ADARB2: variants seen among roughly 807,000 people sequenced by gnomAD.
The protein encoded by ADARB2 is adenosine deaminase RNA specific B2 (inactive).
Under a neutral mutation model 62.2 loss-of-function variants are expected in ADARB2, and 25 were observed. That is an observed-to-expected ratio of 0.40 (90% confidence interval 0.29 to 0.56). The LOEUF is 0.56. Ranked by LOEUF, ADARB2 falls within the 20% of genes least tolerant of loss-of-function variation. The pLI is 0.43. For missense variants in ADARB2, 1,071 were observed against 1,077.4 expected (o/e 0.99, Z 0.08); for synonymous variants, 572 against 500.8 (o/e 1.14, Z -1.90).
At chr10:1,215,068 G>A (rs546707007) in intron 7 of ADARB2, among the ~76,000 whole-genome samples, 2 of 152,270 alleles carry the variant, frequency 1.3e-5, no homozygotes, top group East Asian at 3.9e-4. Context: ...TGCAGGGGCG[G>A]GGGCAGGTGC....
At chr10:1,364,252 C>T (rs901414590) in intron 2 of ADARB2, among the ~76,000 whole-genome samples, 30 of 152,334 alleles carry the variant, frequency 2.0e-4, no homozygotes, top group African/African-American at 6.5e-4. Context: ...TCAGAGAGGC[C>T]TTTCCCGGGG....
At chr10:1,666,980 C>T (rs1834324672) in intron 1 of ADARB2, among the ~76,000 whole-genome samples, 1 of 152,124 alleles carries the variant, frequency 6.6e-6, no homozygotes, top group Non-Finnish European at 1.5e-5. Context: ...GAAAAGACCC[C>T]TGATGTAATC....
chr10:1,284,057 G>A (rs1442140450), intron 3 of ADARB2, among the ~76,000 whole-genome samples: 3 of 152,214 alleles, frequency 2.0e-5, no homozygotes, highest in African/African-American at 7.2e-5. Context: ...CTACAGGAGA[G>A]TGTAGGGTCT....
Position 1,476,164 on chromosome 10 carries a change from A to ACGAAAAAAGGAAGAGAGAGG in ADARB2, c.101-97005_101-97004insCCTCTCTCTTCCTTTTTTCG, listed in dbSNP as rs796989696. On this transcript the variant is annotated intron_variant, in intron 1 of 9. Transcript: ENST00000381312. ...GGAGAGAAAAAAGGAAGAGAGAGAG[A>ACGAAAAAAGGAAGAGAGAGG]CAGAAAAAGAGAGTGGGAGGGAGAG... is the stretch of plus-strand genomic sequence containing the variant. Among the ~76,000 whole-genome samples the ACGAAAAAAGGAAGAGAGAGG allele has an allele frequency of 4.0e-4, 61 of 152,278 alleles. 1 individual carries two copies. The highest frequency in any genetic ancestry group is 1.4e-3 in the African/African-American group (58 of 41,566).
At chr10:1,354,824 G>A (rs752468160) in intron 3 of ADARB2, among the ~76,000 whole-genome samples, 2 of 152,226 alleles carry the variant, frequency 1.3e-5, no homozygotes, top group Non-Finnish European at 2.9e-5. Context: ...CCAAAGGAAG[G>A]GGGCTCAGCC....
In ADARB2 at chr10:1,271,144, C is replaced by A. The variant is rs1007148608; in HGVS notation, c.1078-75G>T. The stretch of plus-strand genomic sequence containing the variant: ...GAGGATGATGGGGCACTGTCCTCCC[C>A]GTCCTCACAGCCTCATCCCCATGTG... On this transcript the variant is annotated intron_variant, in intron 3 of 9. Coordinates refer to ENST00000381312, the MANE Select transcript of ADARB2 (RefSeq NM_018702.4). 4 of 1,217,714 alleles carry A rather than the reference C, an allele frequency of 3.3e-6. No homozygotes were observed. In the Admixed American group the frequency reaches 7.8e-5, roughly 24 times the overall value. 75.4% of individuals were successfully genotyped at this position (1,217,714 alleles called of 1,614,324 possible). A position where few individuals can be genotyped will look rare whatever the true frequency, so the allele number is the denominator to read the frequency against.
chr10:1,580,579 T>C (rs1336382664), intron 1 of ADARB2, among the ~76,000 whole-genome samples: 2 of 151,628 alleles, frequency 1.3e-5, no homozygotes, highest in East Asian at 1.9e-4. Context: ...AGAGCTCCCC[T>C]GTACCTCCTC....
intron 1 of ADARB2, among the ~76,000 whole-genome samples, chr10:1,731,745 C>A (rs1835234844): frequency 6.6e-6 from 1 of 152,226 alleles, no homozygotes; most frequent in African/African-American, 2.4e-5. Context: ...ACACACCAGG[C>A]AGAGTGCAGC....
At chr10:1,573,843 C>T (rs186913069) in intron 1 of ADARB2, among the ~76,000 whole-genome samples, 56 of 152,308 alleles carry the variant, frequency 3.7e-4, no homozygotes, top group Admixed American at 2.1e-3. Context: ...CCAGTGAGCC[C>T]GCTGCAGCCA....
rs2131850739 is a variant in ADARB2, at chr10:1,363,404, G to T, written c.701C>A (p.Pro234His). Reference protein sequence around the residue: ...FQEFEPPAPRPGLAGGRPGDA... With the variant: ...FQEFEPPAPRHGLAGGRPGDA... Reference sequence around the variant, plus strand: ...CCCGGGGCGGCCTCCCGCGAGTCCGGGGCGCGGCGCCGGGGGCTCGAACTC... The same window carrying T: ...CCCGGGGCGGCCTCCCGCGAGTCCGTGGCGCGGCGCCGGGGGCTCGAACTC... The change falls in exon 3 of 10, where the codon CCC (proline) becomes CAC (histidine). Residue 234 changes from proline (P) to histidine (H), a missense_variant. Physicochemically the swap from Pro to His is moderately conservative, Grantham distance 77. Transcript: ENST00000381312. 2 of 1,353,898 alleles carry T rather than the reference G, an allele frequency of 1.5e-6. No homozygotes were observed. Among genetic ancestry groups the T allele is most frequent in the East Asian group, 3.1e-5 (1 of 32,138 alleles). The allele number at this position is 1,353,898 out of a possible 1,614,324, so 83.9% of individuals were successfully genotyped here.
chr10:1,351,759 G>A (rs1832143816), intron 3 of ADARB2, among the ~76,000 whole-genome samples: 1 of 152,004 alleles, frequency 6.6e-6, no homozygotes, highest in African/African-American at 2.4e-5. Context: ...ATTAAAGTCT[G>A]TTATCACTCG....
At position 1,233,837 on chromosome 10, in the gene ADARB2, C is replaced by A; in HGVS notation, c.1370G>T (p.Arg457Leu). The A allele has an allele frequency of 6.2e-7, 1 of 1,613,624 alleles. No individual in the cohort carries two copies. ...GAATATCGATCGCTCTGAGTCCTCG[C>A]GCCGCTTGCTAGGGTCACAAAGAGG... ...TQLELHLSKRREDSERSIFVR... is the reference protein window; with the variant it reads ...TQLELHLSKRLEDSERSIFVR... The change falls in exon 6 of 10, where the codon CGC becomes CTC. Residue 457 changes from arginine to leucine, a missense_variant. Transcript: ENST00000381312.
intron 1 of ADARB2, among the ~76,000 whole-genome samples, chr10:1,641,446 C>T (rs6560751): frequency 0.074 from 11,259 of 152,306 alleles, 1,383 homozygotes; most frequent in African/African-American, 0.26. Flanking sequence ...GTTTAAACCA[C>T]AGCATTTTTT....
chr10:1,551,503 C>A (rs11250619), intron 1 of ADARB2, among the ~76,000 whole-genome samples: 51,203 of 152,156 alleles, frequency 0.34, 9,194 homozygotes, highest in Non-Finnish European at 0.39. Flanking sequence ...CAGGAGCAGG[C>A]CTCACACTTT....
At chr10:1,341,619 A>G (rs1406658221) in intron 3 of ADARB2, among the ~76,000 whole-genome samples, 1 of 150,896 alleles carries the variant, frequency 6.6e-6, no homozygotes, top group Non-Finnish European at 1.5e-5. Context: ...GGCAATAACC[A>G]GCATCCACCA....
intron 1 of ADARB2, among the ~76,000 whole-genome samples, chr10:1,408,890 A>G (rs187809019): frequency 0.011 from 1,615 of 152,330 alleles, 18 homozygotes; most frequent in Non-Finnish European, 0.018. Flanking sequence ...CTGCAGGCTC[A>G]GAGGATGAGG....
intron 1 of ADARB2, among the ~76,000 whole-genome samples, chr10:1,642,833 C>T (rs1370059096): frequency 6.6e-6 from 1 of 152,180 alleles, no homozygotes; most frequent in Non-Finnish European, 1.5e-5. Context: ...CACTCACACA[C>T]ACTCGCCCCT....
At chr10:1,548,315 C>A (rs1334635047) in intron 1 of ADARB2, among the ~76,000 whole-genome samples, 3 of 152,208 alleles carry the variant, frequency 2.0e-5, no homozygotes, top group Non-Finnish European at 4.4e-5. Flanking sequence ...GGCTCCCCTC[C>A]CTTCGCTGGT....
At chr10:1,342,737 G>A (rs904216456) in intron 3 of ADARB2, among the ~76,000 whole-genome samples, 1 of 152,220 alleles carries the variant, frequency 6.6e-6, no homozygotes, top group Non-Finnish European at 1.5e-5. Context: ...CCACCTGACT[G>A]TATTGCAATG....
Sources: gnomAD v4.1 joint callset for allele counts (sites outside exome capture counted in the v4.1 genomes callset) on GRCh38, gnomAD v4.1.1 for gene constraint, MANE v1.5 for transcripts, NCBI Gene and HGNC (gene_info 2026-07-23, HGNC 2026-07-21) for gene names.